DMRT1: variants seen among roughly 807,000 people sequenced by gnomAD.
DMRT1 encodes the protein doublesex and mab-3 related transcription factor 1.
Under a neutral mutation model 32.3 loss-of-function variants are expected in DMRT1, and 7 were observed. The ratio of observed to expected loss-of-function variants is 0.22; its 90% CI spans 0.12 to 0.41. DMRT1 has a LOEUF of 0.41. Ranked by LOEUF, DMRT1 falls within the 10% of genes least tolerant of loss-of-function variation. The pLI, the probability that DMRT1 is intolerant of heterozygous loss-of-function variation, is 1.00. For missense variants in DMRT1, 625 were observed against 500.5 expected, an observed-to-expected ratio of 1.25 and a Z score of -2.37; for synonymous variants, 278 against 206.1, an observed-to-expected ratio of 1.35 and a Z score of -2.99.
At chr9:885,458 G>A (rs73374720) in intron 2 of DMRT1, among the ~76,000 whole-genome samples, 3,945 of 152,224 alleles carry the variant, frequency 0.026, 63 homozygotes, top group African/African-American at 0.034. Flanking sequence ...GCTGTCGAGC[G>A]GCCCGACTCT....
chr9:863,319 TA>T (rs34511298), intron 2 of DMRT1, among the ~76,000 whole-genome samples: 12,936 of 135,050 alleles, frequency 0.096, 1,685 homozygotes, highest in African/African-American at 0.3. Context: ...CCACGTCTCT[TA>T]AAAAAAAAAA....
In DMRT1 at chr9:939,712, A is replaced by G. The variant is rs528922807; in HGVS notation, c.967+22805A>G. Reference sequence around the variant, plus strand: ...AGCAATACAAGCTCACGGGGGGAAAAGTCAAATAATGTAGGAGTGTACAAA... The same window carrying G: ...AGCAATACAAGCTCACGGGGGGAAAGGTCAAATAATGTAGGAGTGTACAAA... On this transcript the variant is annotated intron_variant, in intron 4 of 4. Transcript: ENST00000382276. Among the ~76,000 whole-genome samples, 27 of 152,316 alleles carry G rather than the reference A, an allele frequency of 1.8e-4. 1 individual carries two copies. The highest frequency in any genetic ancestry group is 1.4e-3 in the South Asian group (7 of 4,828).
Position 841,991 on chromosome 9 carries a change from C to G in DMRT1, c.153C>G (p.Ser51Arg). Residue 51 changes from serine to arginine, a missense_variant, in exon 1 of 5, where the codon AGC becomes AGG. Coordinates refer to ENST00000382276, the MANE Select transcript of DMRT1 (RefSeq NM_021951.3). ...GCGGCTCGAGCGCCGGGGGCAGCAGCAGAGGAGGCGGCTCCGGCTCCGGGG... is the reference window on the plus strand; with the variant it reads ...GCGGCTCGAGCGCCGGGGGCAGCAGGAGAGGAGGCGGCTCCGGCTCCGGGG... ...AASGSSAGGSSRGGGSGSGAS... is the reference protein window; with the variant it reads ...AASGSSAGGSRRGGGSGSGAS... 13 of 1,570,308 alleles carry G rather than the reference C, an allele frequency of 8.3e-6. No homozygotes were observed. The highest frequency in any genetic ancestry group is 6.7e-5 in the African/African-American group (5 of 74,086).
chr9:882,149 G>C (rs1025760947), intron 2 of DMRT1, among the ~76,000 whole-genome samples: 1 of 152,224 alleles, frequency 6.6e-6, no homozygotes, highest in Admixed American at 6.5e-5. Flanking sequence ...AGGGCAGGGA[G>C]AGGCAGAAAC....
chr9:945,300 C>T (rs541001568), intron 4 of DMRT1, among the ~76,000 whole-genome samples: 1 of 152,204 alleles, frequency 6.6e-6, no homozygotes, highest in African/African-American at 2.4e-5. Flanking sequence ...ATTACAGGTG[C>T]CTGCCATCAC....
At chr9:852,986 G>C (rs1028319173) in intron 2 of DMRT1, among the ~76,000 whole-genome samples, 1 of 152,204 alleles carries the variant, frequency 6.6e-6, no homozygotes, top group Non-Finnish European at 1.5e-5. Flanking sequence ...CATGAAATGT[G>C]TTCGTTTGAA....
chr9:884,708 C>T (rs1816857832), intron 2 of DMRT1, among the ~76,000 whole-genome samples: 2 of 152,144 alleles, frequency 1.3e-5, no homozygotes, highest in Admixed American at 6.5e-5. Flanking sequence ...CGGTGGCTCA[C>T]GCCTGTAATC....
intron 3 of DMRT1, among the ~76,000 whole-genome samples, chr9:906,688 A>G (rs1367998442): frequency 6.6e-6 from 1 of 152,174 alleles, no homozygotes; most frequent in Non-Finnish European, 1.5e-5. Flanking sequence ...ATCATTTCTC[A>G]TTTTCAGACA....
chr9:958,002 C>G (rs1819654231), intron 4 of DMRT1, among the ~76,000 whole-genome samples: 1 of 151,946 alleles, frequency 6.6e-6, no homozygotes, highest in African/African-American at 2.4e-5. Flanking sequence ...GAGCGAGACT[C>G]TGTTTTTAAA....
At chr9:863,661 C>A (rs1263774585) in intron 2 of DMRT1, among the ~76,000 whole-genome samples, 1 of 152,210 alleles carries the variant, frequency 6.6e-6, no homozygotes, top group African/African-American at 2.4e-5. Flanking sequence ...TTGACAGAGA[C>A]TGGCGTCAGA....
chr9:846,031 C>CTTT (rs370176937), intron 1 of DMRT1, among the ~76,000 whole-genome samples: 2 of 132,968 alleles, frequency 1.5e-5, no homozygotes, highest in African/African-American at 5.6e-5. Flanking sequence ...CTGTTTTTGC[C>CTTT]TTTTTTTTTT....
chr9:957,183 A>G (rs1380625826), intron 4 of DMRT1, among the ~76,000 whole-genome samples: 2 of 152,222 alleles, frequency 1.3e-5, no homozygotes, highest in Non-Finnish European at 2.9e-5. Flanking sequence ...AGACTAAAAT[A>G]CCTGTTGAAA....
At position 909,195 on chromosome 9, in the gene DMRT1, T is replaced by C. The variant is rs145220757; in HGVS notation, c.823-7568T>C. Among the ~76,000 whole-genome samples, 342 of 152,010 alleles carry C rather than the reference T, an allele frequency of 2.2e-3. 1 individual carries two copies. The highest frequency in any genetic ancestry group is 3.9e-3 in the Admixed American group (59 of 15,262). On this transcript the variant is annotated intron_variant, in intron 3 of 4. Transcript: ENST00000382276. ...GCTCTGGACACAAAAGGAAAGGAAG[T>C]CGGGAGGGGCGGGTTTTCGCTGTGG...
At chr9:851,028 C>CAA (rs869227462) in intron 2 of DMRT1, among the ~76,000 whole-genome samples, 27,207 of 94,530 alleles carry the variant, frequency 0.29, 4,002 homozygotes, top group African/African-American at 0.35. Context: ...GACTCTATCT[C>CAA]AAAAAAAAAA....
intron 2 of DMRT1, among the ~76,000 whole-genome samples, chr9:855,443 A>G (rs1227811652): frequency 6.6e-6 from 1 of 152,234 alleles, no homozygotes; most frequent in Non-Finnish European, 1.5e-5. Flanking sequence ...ATAGTACAGT[A>G]CCTGGCTTTA....
rs1554739423 is a variant in DMRT1, at chr9:842,230, G to GGTTTTTTTT, written c.354+38_354+39insGTTTTTTTT. ...GTGCGGGAGCCCGGGTTCAGCCTTAGTTTTTTTTTTTTTTTTTTTTTTTAG... is the reference window on the plus strand; with the variant it reads ...GTGCGGGAGCCCGGGTTCAGCCTTAGGTTTTTTTTTTTTTTTTTTTTTTTTTTTTTTTAG... On this transcript the variant is annotated intron_variant, in intron 1 of 4. Transcript: ENST00000382276. The GGTTTTTTTT allele has an allele frequency of 3.1e-6, 3 of 965,718 alleles. No individual in the cohort carries two copies. In the African/African-American group the frequency reaches 7.3e-5, roughly 24 times the overall value. The allele number at this position is 965,718 out of a possible 1,614,324, so 59.8% of individuals were successfully genotyped here. A position where few individuals can be genotyped will look rare whatever the true frequency, so the allele number is the denominator to read the frequency against.
intron 1 of DMRT1, among the ~76,000 whole-genome samples, chr9:843,183 A>G (rs1346488181): frequency 6.6e-6 from 1 of 152,206 alleles, no homozygotes; most frequent in African/African-American, 2.4e-5. Context: ...GGAGGGCGGC[A>G]GCGCTGGCTG....
At chr9:900,891 G>T (rs1038297379) in intron 3 of DMRT1, among the ~76,000 whole-genome samples, 1 of 151,930 alleles carries the variant, frequency 6.6e-6, no homozygotes, top group African/African-American at 2.4e-5. Context: ...GGGGGTCTCA[G>T]TGTGGTGCCG....
intron 2 of DMRT1, among the ~76,000 whole-genome samples, chr9:861,049 T>C (rs56372040): frequency 8.0e-6 from 1 of 124,912 alleles, no homozygotes. Context: ...TAATTTACTT[T>C]CTTTTTTTTT....
Sources: gnomAD v4.1 joint callset for allele counts (sites outside exome capture counted in the v4.1 genomes callset) on GRCh38, gnomAD v4.1.1 for gene constraint, MANE v1.5 for transcripts, NCBI Gene and HGNC (gene_info 2026-07-23, HGNC 2026-07-21) for gene names.